The following KLHL4 variants were observed in gnomAD, a reference collection of about 807,000 sequenced individuals.
KLHL4 encodes kelch-like protein 4.
In KLHL4, 17 loss-of-function variants were observed where a neutral mutation model predicts 45.8. That is an observed-to-expected ratio of 0.37 (90% CI 0.25 to 0.56). The LOEUF (loss-of-function observed/expected upper bound fraction) is 0.56. KLHL4 is among the 20% of genes least tolerant of loss of function. KLHL4 has a pLI of 0.79. For synonymous variants in KLHL4, 224 were observed against 189.9 expected, an observed-to-expected ratio of 1.18 and a Z score of -1.47; for missense variants, 544 against 544.9, an observed-to-expected ratio of 1.00 and a Z score of 0.02.
intron 5 of KLHL4, among the ~76,000 whole-genome samples, chrX:87,623,288 C>CTTTTTTTTTTTTTT (rs67869297): frequency 2.0e-5 from 1 of 50,202 alleles, no homozygotes; most frequent in Non-Finnish European, 3.3e-5. Flanking sequence ...TTCCTTTTTT[C>CTTTTTTTTTTTTTT]TTTTTTTTTT....
intron 9 of KLHL4, among the ~76,000 whole-genome samples, chrX:87,659,117 T>C (rs1355855601): frequency 1.3e-5 from 1 of 75,382 alleles, no homozygotes; most frequent in Admixed American, 1.4e-4. Context: ...TTCTTTCTTT[T>C]TTTTTTTTTT....
Position 87,635,546 on chromosome X carries a change from T to A in KLHL4, c.1713-17T>A. 8.5e-7 allele frequency: 1 copy of A among 1,170,998 alleles called. No individual in the cohort carries two copies. Among genetic ancestry groups the A allele is most frequent in the Middle Eastern group, 2.4e-4 (1 of 4,115 alleles). Reference sequence around the variant, plus strand: ...ACACACACATATACATACACACAATTCTGTCTTTTTATCTAGATTATATGC... The same window carrying A: ...ACACACACATATACATACACACAATACTGTCTTTTTATCTAGATTATATGC... On this transcript the variant is annotated splice_polypyrimidine_tract_variant and intron_variant, in intron 8 of 10. Coordinates refer to ENST00000373119, the MANE Select transcript of KLHL4 (RefSeq NM_019117.5).
intron 9 of KLHL4, among the ~76,000 whole-genome samples, chrX:87,644,746 A>T (rs1040026029): frequency 1.8e-5 from 2 of 111,063 alleles, no homozygotes; most frequent in African/African-American, 6.5e-5. Flanking sequence ...CCAGAAATAA[A>T]CTCAAATGCA....
chrX:87,555,411 A>G (rs2147781661), intron 1 of KLHL4, among the ~76,000 whole-genome samples: 1 of 111,449 alleles, frequency 9.0e-6, no homozygotes, highest in South Asian at 3.8e-4. Context: ...TTATTGGTCT[A>G]TTCAGAGAGT....
intron 1 of KLHL4, among the ~76,000 whole-genome samples, chrX:87,607,927 C>T (rs1922250630): frequency 9.0e-6 from 1 of 111,332 alleles, no homozygotes; most frequent in Admixed American, 9.6e-5. Flanking sequence ...CCCCTTAATG[C>T]CAGAGTCACA....
intron 1 of KLHL4, among the ~76,000 whole-genome samples, chrX:87,525,815 G>T (rs893976084): frequency 9.0e-6 from 1 of 111,425 alleles, no homozygotes; most frequent in Non-Finnish European, 1.9e-5. Context: ...TATCAGCAGT[G>T]AATTCATAGT....
intron 1 of KLHL4, among the ~76,000 whole-genome samples, chrX:87,558,394 G>T (rs1050873807): frequency 9.9e-6 from 1 of 101,051 alleles, no homozygotes; most frequent in East Asian, 3.7e-4. Flanking sequence ...ACATATATGT[G>T]TTCAATAAAT....
At chrX:87,566,102 C>T (rs916936589) in intron 1 of KLHL4, among the ~76,000 whole-genome samples, 5 of 95,491 alleles carry the variant, frequency 5.2e-5, no homozygotes, top group African/African-American at 2.0e-4. Context: ...AAATAAACCC[C>T]CTCAACAATA....
chrX:87,638,605 A>C (rs1923346622), intron 9 of KLHL4, among the ~76,000 whole-genome samples: 1 of 111,862 alleles, frequency 8.9e-6, no homozygotes, highest in Non-Finnish European at 1.9e-5. Context: ...TTCATAAATG[A>C]AGGAAAGATA....
At chrX:87,597,144 C>T (rs1324143801) in intron 1 of KLHL4, among the ~76,000 whole-genome samples, 1 of 111,738 alleles carries the variant, frequency 8.9e-6, no homozygotes, top group Non-Finnish European at 1.9e-5. Flanking sequence ...CCTGTTTACT[C>T]ATCAGTGAAA....
At chrX:87,636,380 C>G in intron 9 of KLHL4, among the ~76,000 whole-genome samples, 1 of 111,876 alleles carries the variant, frequency 8.9e-6, no homozygotes, top group Non-Finnish European at 1.9e-5. Context: ...TAACTTGCAG[C>G]TCCCACTCAT....
chrX:87,571,069 T>G (rs1163500823), intron 1 of KLHL4, among the ~76,000 whole-genome samples: 3 of 110,861 alleles, frequency 2.7e-5, no homozygotes, highest in African/African-American at 9.8e-5. Context: ...ATTTTAAACC[T>G]GTATCAACTC....
chrX:87,666,873 A>C lies in KLHL4; in HGVS notation c.*339A>C. The C allele has an allele frequency of 1.3e-6, 1 of 741,609 alleles. No homozygotes were observed. Among genetic ancestry groups the C allele is most frequent in the Non-Finnish European group, 1.6e-6 (1 of 623,148 alleles). The allele number at this position is 741,609 out of a possible 1,213,427, so 61.1% of individuals were successfully genotyped here. A position where few individuals can be genotyped will look rare whatever the true frequency, so the allele number is the denominator to read the frequency against. ...GTGCAGGTTATAAAAGCATTAATAC[A>C]TTTCAAGGTAAGAGCCTTAAAAGTT... On this transcript the variant is annotated 3_prime_UTR_variant, in exon 11 of 11. Coordinates refer to ENST00000373119, the MANE Select transcript of KLHL4 (RefSeq NM_019117.5).
intron 9 of KLHL4, among the ~76,000 whole-genome samples, chrX:87,649,654 C>T (rs1354724591): frequency 1.8e-5 from 2 of 111,717 alleles, no homozygotes; most frequent in Non-Finnish European, 3.8e-5. Context: ...AACTGTACCT[C>T]TTACCTTCAG....
chrX:87,649,665 G>T (rs747255651), intron 9 of KLHL4, among the ~76,000 whole-genome samples: 10 of 111,011 alleles, frequency 9.0e-5, no homozygotes, highest in Non-Finnish European at 1.7e-4. Context: ...TTACCTTCAG[G>T]CCTTTGACCC....
At chrX:87,565,364 G>T (rs1397546302) in intron 1 of KLHL4, among the ~76,000 whole-genome samples, 1 of 111,458 alleles carries the variant, frequency 9.0e-6, no homozygotes, top group East Asian at 2.8e-4. Context: ...TTCTTTAAAA[G>T]ACCTAGTAAA....
intron 1 of KLHL4, among the ~76,000 whole-genome samples, chrX:87,592,970 T>A (rs1014140218): frequency 1.8e-5 from 2 of 111,625 alleles, no homozygotes; most frequent in Non-Finnish European, 3.8e-5. Flanking sequence ...GATACAGACT[T>A]CTTGTTTGAT....
intron 9 of KLHL4, among the ~76,000 whole-genome samples, chrX:87,641,540 T>A (rs1260485305): frequency 1.8e-5 from 2 of 111,577 alleles, no homozygotes; most frequent in Admixed American, 9.5e-5. Context: ...AGAAGCCTCC[T>A]GGCCAGAAAT....
Position 87,638,133 on chromosome X carries a change from C to T in KLHL4, c.1925+2358C>T, listed in dbSNP as rs149811559. Among the ~76,000 whole-genome samples the T allele has an allele frequency of 6.2e-3, 680 of 108,824 alleles. 6 individuals carry two copies. Among genetic ancestry groups the T allele is most frequent in the African/African-American group, 0.022 (635 of 28,915 alleles). The allele number at this position is 108,824 out of a possible 115,157, so 94.5% of individuals were successfully genotyped here. A position where few individuals can be genotyped will look rare whatever the true frequency, so the allele number is the denominator to read the frequency against. On this transcript the variant is annotated intron_variant, in intron 9 of 10. Coordinates refer to ENST00000373119, the MANE Select transcript of KLHL4 (RefSeq NM_019117.5). ...ACAAGTGTATCAAATTAACCCAATCCGACAAAGATAAAGAAAAAAATTATT... is the reference window on the plus strand; with the variant it reads ...ACAAGTGTATCAAATTAACCCAATCTGACAAAGATAAAGAAAAAAATTATT...
Sources: gnomAD v4.1 joint callset for allele counts (sites outside exome capture counted in the v4.1 genomes callset) on GRCh38, gnomAD v4.1.1 for gene constraint, MANE v1.5 for transcripts, NCBI Gene and HGNC (gene_info 2026-07-23, HGNC 2026-07-21) for gene names.